Variants in RRM1 observed in about 807,000 individuals in gnomAD.
The protein encoded by RRM1 is ribonucleotide reductase catalytic subunit M1.
RRM1 carries 19 observed loss-of-function variants against 101.5 expected under a neutral mutation model. That is an observed-to-expected ratio of 0.19 (90% CI 0.13 to 0.27). RRM1 has a LOEUF of 0.27. Among genes scored for constraint, RRM1 ranks in the 10% least tolerant of loss-of-function variants. RRM1 has a pLI of 1.00. For synonymous variants in RRM1, 298 were observed against 323.4 expected (o/e 0.92, Z 0.84); for missense variants, 500 against 962.9 (o/e 0.52, Z 6.36).
chr11:4,097,191 C>G (rs137941732), intron 1 of RRM1, among the ~76,000 whole-genome samples: 9 of 144,634 alleles, frequency 6.2e-5, no homozygotes, highest in Non-Finnish European at 1.0e-4. Context: ...GAGGCTGAGG[C>G]AGGAGAATCG....
intron 2 of RRM1, among the ~76,000 whole-genome samples, chr11:4,102,994 C>G (rs753766382): frequency 2.0e-5 from 3 of 152,190 alleles, no homozygotes; most frequent in African/African-American, 4.8e-5. Context: ...AAATGAGAAT[C>G]TCTAAGAACT....
rs563449660 is a variant in RRM1 at position 4,121,534 on chromosome 11, G to C, written c.877-70G>C. 2.5e-6 allele frequency: 3 copies of C among 1,208,896 alleles called. No individual in the cohort carries two copies. In the Admixed American group the frequency reaches 6.8e-5, roughly 27 times the overall value. 74.9% of individuals were successfully genotyped at this position (1,208,896 alleles called of 1,614,324 possible). ...AAATCAAAGGAGATACTATAAAAGT[G>C]CTTTGGGAGACATGATGTTTCTTTG... is the stretch of plus-strand genomic sequence containing the variant. On this transcript the variant is annotated intron_variant, in intron 9 of 18. Transcript: ENST00000300738.
At chr11:4,103,071 T>C (rs1377674386) in intron 2 of RRM1, among the ~76,000 whole-genome samples, 1 of 152,224 alleles carries the variant, frequency 6.6e-6, no homozygotes, top group Non-Finnish European at 1.5e-5. Context: ...TGCTAAGGTA[T>C]CTTAGGTATC....
chr11:4,136,488 C>T (rs1397204108), intron 18 of RRM1, among the ~76,000 whole-genome samples: 4 of 151,932 alleles, frequency 2.6e-5, no homozygotes, highest in African/African-American at 4.8e-5. Context: ...CCAAAGTGCT[C>T]GAATTACAGG....
In RRM1 at chr11:4,095,026, A is replaced by G; in HGVS notation, c.14A>G (p.Lys5Arg). The G allele has an allele frequency of 6.4e-7, 1 of 1,570,220 alleles. No homozygotes were observed. Among genetic ancestry groups the G allele is most frequent in the Non-Finnish European group, 8.6e-7 (1 of 1,157,670 alleles). MHVIKRDGRQERVMF... is the reference protein window; with the variant it reads MHVIRRDGRQERVMF... ...CCACTAGCTGCGATGCATGTGATCA[A>G]GCGAGGTGAGGGGGGGACGAGGTGG... Residue 5 changes from lysine (K) to arginine (R), a missense_variant, in exon 1 of 19, where the codon AAG becomes AGG. Transcript: ENST00000300738.
intron 3 of RRM1, 26 bp downstream of exon 3, chr11:4,106,249 A>C: frequency 6.3e-7 from 1 of 1,580,096 alleles, no homozygotes; most frequent in Non-Finnish European, 8.7e-7. Flanking sequence ...AAAAGTAAAA[A>C]TTTAGTACTC....
chr11:4,136,374 C>T (rs1178209432), intron 18 of RRM1, among the ~76,000 whole-genome samples: 1 of 151,818 alleles, frequency 6.6e-6, no homozygotes, highest in African/African-American at 2.4e-5. Context: ...TGTGTGCCAA[C>T]ACACCTGGCT....
chr11:4,134,392 C>T (rs888298217), intron 17 of RRM1, among the ~76,000 whole-genome samples: 14 of 152,158 alleles, frequency 9.2e-5, no homozygotes, highest in African/African-American at 2.9e-4. Context: ...TCATGGTTGA[C>T]GACTGATAGT....
intron 10 of RRM1, among the ~76,000 whole-genome samples, 169 bp downstream of exon 10, chr11:4,121,934 A>C (rs1022539110): frequency 6.6e-6 from 1 of 152,194 alleles, no homozygotes; most frequent in Non-Finnish European, 1.5e-5. Flanking sequence ...TCTATTCTCT[A>C]AAGTAGATGC....
chr11:4,114,381 G>T (rs1020533897), intron 7 of RRM1, among the ~76,000 whole-genome samples: 25 of 151,522 alleles, frequency 1.6e-4, no homozygotes, highest in African/African-American at 6.1e-4. Context: ...GTGAAACCCT[G>T]TCTCTACTAA....
chr11:4,122,028 C>G lies in RRM1; in HGVS notation c.1039-113C>G, dbSNP rs1182209488. 3 of 838,208 alleles carry G rather than the reference C, an allele frequency of 3.6e-6. No homozygotes were observed. The Admixed American group carries it at 8.3e-5, about 23-fold the overall frequency. The allele number at this position is 838,208 out of a possible 1,614,324, so 51.9% of individuals were successfully genotyped here. A position where few individuals can be genotyped will look rare whatever the true frequency, so the allele number is the denominator to read the frequency against. On this transcript the variant is annotated intron_variant, in intron 10 of 18. Coordinates refer to ENST00000300738, the MANE Select transcript of RRM1 (RefSeq NM_001033.5). ...CTGAACCTGAAAATGATTATTTCTA[C>G]AGCAAATTTCCAAGAGAGCTTGTAA...
At chr11:4,121,545 C>T (rs779838350) in intron 9 of RRM1, 59 bp from the exon 10 acceptor site, 1 of 1,363,480 alleles carries the variant, frequency 7.3e-7, no homozygotes, top group Non-Finnish European at 1.0e-6. Flanking sequence ...CTTTGGGAGA[C>T]ATGATGTTTC....
chr11:4,121,529 A>G, intron 9 of RRM1, 75 bp from the exon 10 acceptor site: 1 of 1,145,576 alleles, frequency 8.7e-7, no homozygotes, highest in South Asian at 1.8e-5. Context: ...AGATACTATA[A>G]AAGTGCTTTG....
chr11:4,119,806 G>T (rs765590593), intron 8 of RRM1, 39 bp from the exon 9 acceptor site: 16 of 1,258,874 alleles, frequency 1.3e-5, no homozygotes, highest in Non-Finnish European at 1.6e-5. Flanking sequence ...TTTCTTTGCT[G>T]AGTGCCCTCT....
At chr11:4,127,341 C>T in intron 14 of RRM1, 85 bp downstream of exon 14, 1 of 747,610 alleles carries the variant, frequency 1.3e-6, no homozygotes. Flanking sequence ...TGTCCACATC[C>T]TAATTCCTGG....
At chr11:4,109,759 AT>A in intron 5 of RRM1, 56 bp downstream of exon 5, 1 of 1,420,964 alleles carries the variant, frequency 7.0e-7, no homozygotes, top group Non-Finnish European at 9.8e-7. Context: ...GAAATAAAGG[AT>A]TTTGTTTATG....
intron 6 of RRM1, 121 bp downstream of exon 6, chr11:4,111,761 A>G: frequency 8.3e-7 from 1 of 1,200,562 alleles, no homozygotes; most frequent in Middle Eastern, 2.9e-4. Flanking sequence ...CTTTAGGTTT[A>G]GTTTGTGGAT....
intron 15 of RRM1, among the ~76,000 whole-genome samples, chr11:4,131,302 G>A (rs11031068): frequency 0.021 from 3,227 of 152,196 alleles, 71 homozygotes; most frequent in Non-Finnish European, 0.031. Context: ...ATTACCTCCC[G>A]CCAGGTCCCT....
rs576058191 is a variant in RRM1, at chr11:4,114,397, C to CA, written c.650+2340dup. On this transcript the variant is annotated intron_variant, in intron 7 of 18. Transcript: ENST00000300738. The stretch of plus-strand genomic sequence containing the variant: ...TGAAACCCTGTCTCTACTAAAAATA[C>CA]AAAAATTAGCTGGGTATGGTGGCAG... 1.0e-3 allele frequency among the ~76,000 whole-genome samples: 157 copies of CA among 151,284 alleles called. 1 individual carries two copies. The highest frequency in any genetic ancestry group is 3.7e-3 in the African/African-American group (151 of 41,270).
Sources: gnomAD v4.1 joint callset for allele counts (sites outside exome capture counted in the v4.1 genomes callset) on GRCh38, gnomAD v4.1.1 for gene constraint, MANE v1.5 for transcripts, NCBI Gene and HGNC (gene_info 2026-07-23, HGNC 2026-07-21) for gene names.